The following TLR7 variants were observed in gnomAD, a reference collection of about 807,000 sequenced individuals.
TLR7 encodes toll-like receptor 7.
Under a neutral mutation model 38.3 loss-of-function variants are expected in TLR7, and 12 were observed. That is an observed-to-expected ratio of 0.31 (90% CI 0.20 to 0.51). The LOEUF (loss-of-function observed/expected upper bound fraction) is 0.51, where lower values mean the gene tolerates loss of function less well. Ranked by LOEUF, TLR7 falls within the 20% of genes least tolerant of loss-of-function variation. The pLI is 0.98. For synonymous variants in TLR7, 285 were observed against 293.8 expected (o/e 0.97, Z 0.31); for missense variants, 504 against 743.4 (o/e 0.68, Z 3.74).
intron 2 of TLR7, among the ~76,000 whole-genome samples, chrX:12,883,842 G>T (rs1205883147): frequency 9.0e-6 from 1 of 111,127 alleles, no homozygotes. Flanking sequence ...AAGATAGGGG[G>T]GTGACAAGAA....
intron 2 of TLR7, among the ~76,000 whole-genome samples, chrX:12,876,603 C>G (rs2147242467): frequency 8.9e-6 from 1 of 111,984 alleles, no homozygotes; most frequent in East Asian, 2.8e-4. Flanking sequence ...TAGAACCTGG[C>G]ACACCATAAG....
In TLR7 at chrX:12,885,689, G is replaced by C. The variant is rs1404650069; in HGVS notation, c.181G>C (p.Gly61Arg). The C allele has an allele frequency of 8.3e-7, 1 of 1,209,840 alleles. No homozygotes were observed. The highest frequency in any genetic ancestry group is 1.7e-5 in the African/African-American group (1 of 57,146). Residue 61 changes from glycine (G) to arginine (R), a missense_variant, in exon 3 of 3, where the codon GGA (glycine) becomes CGA (arginine). Gly to Arg is a moderately radical substitution (Grantham distance 125). Transcript: ENST00000380659. Reference protein sequence around the residue: ...CTDKHLTEIPGGIPTNTTNLT... With the variant: ...CTDKHLTEIPRGIPTNTTNLT... ...AGACAAGCATTTGACAGAAATTCCT[G>C]GAGGTATTCCCACGAACACCACGAA...
Position 12,881,084 on chromosome X carries a change from AG to A in TLR7, c.4-4426del, listed in dbSNP as rs1356137199. 6.4e-5 allele frequency among the ~76,000 whole-genome samples: 7 copies of A among 109,720 alleles called. No individual in the cohort carries two copies. In the East Asian group the frequency reaches 1.7e-3, roughly 27 times the overall value. ...TCTACTAAAAATACAAAAATTAGCC[AG>A]GCCTGGTGGTGCATACCTGTAATCC... On this transcript the variant is annotated intron_variant, in intron 2 of 2. Coordinates refer to ENST00000380659, the MANE Select transcript of TLR7 (RefSeq NM_016562.4).
chrX:12,871,466 C>T (rs1402576659), intron 2 of TLR7, among the ~76,000 whole-genome samples: 2 of 111,725 alleles, frequency 1.8e-5, no homozygotes, highest in East Asian at 5.6e-4. Flanking sequence ...GCAATCGCCC[C>T]GGCCATTGCT....
At chrX:12,868,422 G>A (rs2042841042) in intron 2 of TLR7, among the ~76,000 whole-genome samples, 1 of 111,824 alleles carries the variant, frequency 8.9e-6, no homozygotes, top group South Asian at 3.8e-4. Flanking sequence ...GCCAAAGGCC[G>A]AAGCCTAGGG....
chrX:12,872,888 G>A (rs1452493812), intron 2 of TLR7, among the ~76,000 whole-genome samples: 1 of 109,250 alleles, frequency 9.2e-6, no homozygotes, highest in Non-Finnish European at 1.9e-5. Flanking sequence ...ACAGCAGCCA[G>A]CAGCATCCTT....
Position 12,886,237 on chromosome X carries a change from T to G in TLR7, c.729T>G (p.Asp243Glu). Residue 243 changes from aspartate (D) to glutamate (E), a missense_variant, in exon 3 of 3, where the codon GAT becomes GAG. Physicochemically the swap from Asp to Glu is conservative, Grantham distance 45. Coordinates refer to ENST00000380659, the MANE Select transcript of TLR7 (RefSeq NM_016562.4). Reference protein sequence around the residue: ...YNNMIAKIQEDDFNNLNQLQI... With the variant: ...YNNMIAKIQEEDFNNLNQLQI... ...ACATGATTGCAAAAATCCAAGAAGA[T>G]GATTTTAATAACCTCAACCAATTAC... is the stretch of plus-strand genomic sequence containing the variant. 1.7e-6 allele frequency: 2 copies of G among 1,211,827 alleles called. No homozygotes were observed. Among genetic ancestry groups the G allele is most frequent in the Non-Finnish European group, 2.2e-6 (2 of 895,475 alleles).
intron 2 of TLR7, among the ~76,000 whole-genome samples, chrX:12,875,937 C>T (rs191971451): frequency 1.8e-4 from 20 of 109,093 alleles, no homozygotes; most frequent in African/African-American, 6.1e-4. Flanking sequence ...GTTGGTCCCA[C>T]TCAAAACATA....
At chrX:12,878,211 C>A (rs922105248) in intron 2 of TLR7, among the ~76,000 whole-genome samples, 1 of 111,985 alleles carries the variant, frequency 8.9e-6, no homozygotes, top group East Asian at 2.8e-4. Flanking sequence ...ATAATATAGA[C>A]TTGGAATGAA....
Position 12,887,602 on chromosome X carries a change from A to T in TLR7, c.2094A>T (p.Leu698=), listed in dbSNP as rs780779390. 1.7e-6 allele frequency: 2 copies of T among 1,210,009 alleles called. No homozygotes were observed. The highest frequency in any genetic ancestry group is 2.2e-6 in the Non-Finnish European group (2 of 894,820). The part of the protein sequence containing the change: ...KSFSWKKLQC[L]KNLETLDLSH... The stretch of plus-strand genomic sequence containing the variant: ...TCAGTTGGAAGAAACTCCAGTGTCT[A>T]AAGAACCTGGAAACTTTGGACCTCA... Residue 698 remains leucine, a synonymous_variant, in exon 3 of 3, where the codon CTA becomes CTT. Coordinates refer to ENST00000380659, the MANE Select transcript of TLR7 (RefSeq NM_016562.4).
chrX:12,884,348 A>G (rs1290379017), intron 2 of TLR7, among the ~76,000 whole-genome samples: 2 of 111,958 alleles, frequency 1.8e-5, no homozygotes, highest in African/African-American at 6.5e-5. Context: ...AGATAAAAGC[A>G]TTAACTGAGC....
At chrX:12,869,559 G>A (rs2042845163) in intron 2 of TLR7, among the ~76,000 whole-genome samples, 1 of 110,547 alleles carries the variant, frequency 9.0e-6, no homozygotes, top group Non-Finnish European at 1.9e-5. Flanking sequence ...GACACAGGGA[G>A]GGGAACAACA....
chrX:12,872,951 C>T (rs1451103858), intron 2 of TLR7, among the ~76,000 whole-genome samples: 3 of 110,691 alleles, frequency 2.7e-5, no homozygotes, highest in African/African-American at 6.6e-5. Context: ...TGCAATGCAT[C>T]TGCATTCCAC....
chrX:12,889,795 T>C lies in TLR7; in HGVS notation c.*1137T>C, dbSNP rs2042924970. The C allele has an allele frequency of 8.9e-6, 1 of 112,952 alleles. No homozygotes were observed. Among genetic ancestry groups the C allele is most frequent in the African/African-American group, 3.2e-5 (1 of 31,112 alleles). The allele number at this position is 112,952 out of a possible 1,213,427, so 9.3% of individuals were successfully genotyped here. ...TTAACTAATGCCATATATTTGTAAG[T>C]ATCTGCACACTTGATACAGCAACGT... On this transcript the variant is annotated 3_prime_UTR_variant, in exon 3 of 3. Coordinates refer to ENST00000380659, the MANE Select transcript of TLR7 (RefSeq NM_016562.4).
chrX:12,873,521 G>A (rs913007990), intron 2 of TLR7, among the ~76,000 whole-genome samples: 2 of 111,475 alleles, frequency 1.8e-5, no homozygotes, highest in Admixed American at 9.6e-5. Context: ...TTCCTTCTAC[G>A]TTGTTATGAT....
At chrX:12,870,638 G>A (rs2042849099) in intron 2 of TLR7, among the ~76,000 whole-genome samples, 2 of 111,548 alleles carry the variant, frequency 1.8e-5, no homozygotes, top group South Asian at 3.7e-4. Flanking sequence ...CCCACCTGCT[G>A]TACAGCTCAT....
chrX:12,882,839 G>A (rs955238207), intron 2 of TLR7, among the ~76,000 whole-genome samples: 2 of 111,665 alleles, frequency 1.8e-5, no homozygotes, highest in African/African-American at 3.3e-5. Context: ...TCAATTCAGC[G>A]ATCCTCCCAC....
rs199530355 is a variant in TLR7, at chrX:12,885,712, G to C, written c.204G>C (p.Thr68=). The C allele has an allele frequency of 2.5e-6, 3 of 1,209,743 alleles. No individual in the cohort carries two copies. Among genetic ancestry groups the C allele is most frequent in the African/African-American group, 3.5e-5 (2 of 57,075 alleles). The change falls in exon 3 of 3, where the codon ACG becomes ACC. Residue 68 remains threonine (T), a synonymous_variant. Coordinates refer to ENST00000380659, the MANE Select transcript of TLR7 (RefSeq NM_016562.4). ...EIPGGIPTNT[T]NLTLTINHIP... ...CTGGAGGTATTCCCACGAACACCAC[G>C]AACCTCACCCTCACCATTAACCACA...
chrX:12,887,427 A>C lies in TLR7; in HGVS notation c.1919A>C (p.Asn640Thr), dbSNP rs775900630. The C allele has an allele frequency of 8.3e-7, 1 of 1,209,326 alleles. No homozygotes were observed. The highest frequency in any genetic ancestry group is 1.1e-6 in the Non-Finnish European group (1 of 893,758). ...HLDVLWREGD[N>T]RYLQLFKNLL... ...GATGTTTTATGGAGAGAAGGTGATA[A>C]CAGATACTTACAATTATTCAAGAAT... The change falls in exon 3 of 3, where the codon AAC (asparagine) becomes ACC (threonine). Residue 640 changes from asparagine (N) to threonine (T), a missense_variant. Coordinates refer to ENST00000380659, the MANE Select transcript of TLR7 (RefSeq NM_016562.4).
Sources: allele counts gnomAD v4.1 joint callset (sites outside exome capture counted in the v4.1 genomes callset), GRCh38; gene constraint gnomAD v4.1.1; transcripts MANE v1.5; gene names NCBI Gene and HGNC (gene_info 2026-07-23, HGNC 2026-07-21).